Variants in PARK7 observed in about 807,000 individuals in gnomAD.
PARK7 encodes the protein Parkinsonism associated deglycase.
Under a neutral mutation model 20.5 loss-of-function variants are expected in PARK7, and 14 were observed. The observed-to-expected ratio is 0.68, with a 90% CI of 0.45 to 1.07. PARK7 has a LOEUF of 1.07. Ranked by LOEUF, PARK7 falls within the 50% of genes least tolerant of loss-of-function variation. The probability of loss-of-function intolerance (pLI) is 0.00; values close to 1 mark genes in which losing one functional copy is unlikely to be tolerated. For synonymous variants in PARK7, 98 were observed against 84.3 expected, an observed-to-expected ratio of 1.16 and a Z score of -0.89; for missense variants, 234 against 238.1, an observed-to-expected ratio of 0.98 and a Z score of 0.11.
At chr1:7,983,293 T>TC (rs760728967) in intron 6 of PARK7, among the ~76,000 whole-genome samples, 1 of 152,210 alleles carries the variant, frequency 6.6e-6, no homozygotes, top group Non-Finnish European at 1.5e-5. Context: ...GGCCGGTGCA[T>TC]CAGGATAGAG....
chr1:7,977,169 C>T (rs1176948016), intron 5 of PARK7, among the ~76,000 whole-genome samples: 2 of 152,166 alleles, frequency 1.3e-5, no homozygotes, highest in African/African-American at 4.8e-5. Context: ...GTGATCCTCC[C>T]CCTCCTTTGG....
intron 4 of PARK7, among the ~76,000 whole-genome samples, chr1:7,969,719 G>A (rs1011027216): frequency 5.3e-5 from 8 of 151,892 alleles, no homozygotes; most frequent in South Asian, 2.1e-4. Context: ...AGCTGGGATT[G>A]CAGGCATGCA....
At chr1:7,967,270 A>G (rs1640349696) in intron 3 of PARK7, among the ~76,000 whole-genome samples, 1 of 152,202 alleles carries the variant, frequency 6.6e-6, no homozygotes, top group Non-Finnish European at 1.5e-5. Flanking sequence ...ATGGCTGGAT[A>G]GTATCCCATT....
chr1:7,974,489 C>T (rs1328115173), intron 5 of PARK7, among the ~76,000 whole-genome samples: 2 of 151,012 alleles, frequency 1.3e-5, no homozygotes, highest in East Asian at 2.0e-4. Context: ...ATTAGCCAGG[C>T]GTGGTGGCGG....
At chr1:7,962,097 A>C (rs918619340) in intron 1 of PARK7, 1 of 152,486 alleles carries the variant, frequency 6.6e-6, no homozygotes, top group Non-Finnish European at 1.5e-5. Flanking sequence ...CCCTCCAGAT[A>C]ATCTGTAAAT....
intron 5 of PARK7, among the ~76,000 whole-genome samples, chr1:7,975,078 A>T (rs1055298114): frequency 2.0e-5 from 3 of 151,612 alleles, no homozygotes; most frequent in Admixed American, 2.0e-4. Context: ...CTGGTCTCGA[A>T]CTCCTGATCT....
intron 3 of PARK7, among the ~76,000 whole-genome samples, chr1:7,968,240 G>A (rs1274771477): frequency 6.1e-5 from 9 of 148,466 alleles, no homozygotes; most frequent in Non-Finnish European, 1.2e-4. Flanking sequence ...TCCGGGAGAC[G>A]GAAGTTGCAG....
In PARK7 at chr1:7,977,985, CTTTTTTTTTTTT is replaced by C. The variant is rs34231723; in HGVS notation, c.409+265_409+276del. 5.2e-4 allele frequency among the ~76,000 whole-genome samples: 28 copies of C among 53,576 alleles called. 1 individual carries two copies. In the Admixed American group the frequency reaches 5.7e-3, roughly 11 times the overall value. 35.1% of individuals were successfully genotyped at this position (53,576 alleles called of 152,430 possible). A position where few individuals can be genotyped will look rare whatever the true frequency, so the allele number is the denominator to read the frequency against. ...ATGTTGGTCAGGCTGGTCTCAAACT[CTTTTTTTTTTTT>C]TTTTTTTTTTTTTTTTTGAGACAGA... On this transcript the variant is annotated intron_variant, in intron 6 of 6. Coordinates refer to ENST00000338639, the MANE Select transcript of PARK7 (RefSeq NM_007262.5).
intron 4 of PARK7, among the ~76,000 whole-genome samples, chr1:7,970,243 C>T (rs1177643426): frequency 6.6e-6 from 1 of 152,058 alleles, no homozygotes; most frequent in Non-Finnish European, 1.5e-5. Context: ...TTGGTGGGAC[C>T]GTTATGAACA....
At position 7,970,969 on chromosome 1, in the gene PARK7, G is replaced by A. The variant is rs758620266; in HGVS notation, c.322+6G>A. ...GATAGCCGCCATCTGTGCAGGTGACGTGCAGGGGCAGCCTGTGTTGCAGCG... is the reference window on the plus strand; with the variant it reads ...GATAGCCGCCATCTGTGCAGGTGACATGCAGGGGCAGCCTGTGTTGCAGCG... On this transcript the variant is annotated splice_donor_region_variant and intron_variant, in intron 5 of 6. Transcript: ENST00000338639. 82 of 1,614,106 alleles carry A rather than the reference G, an allele frequency of 5.1e-5. No individual in the cohort carries two copies. Among genetic ancestry groups the A allele is most frequent in the Admixed American group, 6.7e-5 (4 of 60,010 alleles).
chr1:7,983,550 A>G (rs1419135718), intron 6 of PARK7, among the ~76,000 whole-genome samples: 3 of 152,250 alleles, frequency 2.0e-5, no homozygotes. Flanking sequence ...TTCTGGTCCC[A>G]GCCCAGTCTC....
At chr1:7,968,514 A>G (rs748391282) in intron 3 of PARK7, among the ~76,000 whole-genome samples, 3 of 151,738 alleles carry the variant, frequency 2.0e-5, no homozygotes, top group Non-Finnish European at 4.4e-5. Flanking sequence ...TTGTTTCTCT[A>G]TTAATTTTAT....
At chr1:7,971,206 G>T in intron 5 of PARK7, 1 of 548,014 alleles carries the variant, frequency 1.8e-6, no homozygotes. Context: ...GTGTTTGGTT[G>T]ACCTCGGAGG....
chr1:7,967,732 C>G (rs1169395865), intron 3 of PARK7, among the ~76,000 whole-genome samples: 2 of 151,608 alleles, frequency 1.3e-5, no homozygotes, highest in East Asian at 3.9e-4. Flanking sequence ...CTAGCCTGGG[C>G]AATGAAGCGA....
At chr1:7,982,692 C>T (rs1223833696) in intron 6 of PARK7, among the ~76,000 whole-genome samples, 3 of 152,204 alleles carry the variant, frequency 2.0e-5, no homozygotes, top group African/African-American at 7.2e-5. Flanking sequence ...GAAGACCTAG[C>T]CCAGCCAGTT....
chr1:7,962,963 A>G (rs1163106046), intron 2 of PARK7, 88 bp downstream of exon 2: 11 of 1,094,512 alleles, frequency 1.0e-5, no homozygotes, highest in African/African-American at 6.2e-5. Flanking sequence ...AAAGTGCTCT[A>G]TGAAATATTT....
At chr1:7,983,160 C>G (rs973929085) in intron 6 of PARK7, among the ~76,000 whole-genome samples, 2 of 152,214 alleles carry the variant, frequency 1.3e-5, no homozygotes, top group East Asian at 3.8e-4. Context: ...ACAGACGTTT[C>G]CTAAGCTCCT....
chr1:7,970,841 T>G, intron 4 of PARK7, 53 bp from the exon 5 acceptor site: 3 of 1,561,594 alleles, frequency 1.9e-6, no homozygotes. Context: ...TAGTGAGTGA[T>G]TGGTTAGTGG....
chr1:7,964,646 A>G lies in PARK7; in HGVS notation c.91-678A>G, dbSNP rs147480664. ...AGGATAGCCTGTAGTCAGCATGACT[A>G]GGTTTTGCCAAGTTGCTCTCCAGTG... On this transcript the variant is annotated intron_variant, in intron 2 of 6. Transcript: ENST00000338639. Among the ~76,000 whole-genome samples the G allele has an allele frequency of 9.1e-4, 138 of 152,342 alleles. No homozygotes were observed. In the East Asian group the frequency reaches 0.017, roughly 19 times the overall value.
Sources: allele counts gnomAD v4.1 joint callset (sites outside exome capture counted in the v4.1 genomes callset), GRCh38; gene constraint gnomAD v4.1.1; transcripts MANE v1.5; gene names NCBI Gene and HGNC (gene_info 2026-07-23, HGNC 2026-07-21).